Variants in FARS2 observed in about 807,000 individuals in gnomAD.
FARS2 encodes the protein phenylalanyl-tRNA synthetase 2, mitochondrial, also known as phenylalanine--tRNA ligase, mitochondrial.
A neutral mutation model predicts 46.4 loss-of-function variants in FARS2; 40 were observed. The ratio of observed to expected loss-of-function variants is 0.86; its 90% CI spans 0.67 to 1.12. The LOEUF is 1.12. Ranked by LOEUF, FARS2 falls within the 50% of genes most tolerant of loss-of-function variation. The probability of loss-of-function intolerance (pLI) is 0.00; values close to 1 mark genes in which losing one functional copy is unlikely to be tolerated. For synonymous variants in FARS2, 234 were observed against 214.9 expected (o/e 1.09, Z -0.78); for missense variants, 513 against 567.9 (o/e 0.90, Z 0.98).
chr6:5,724,593 C>T (rs948959632), intron 6 of FARS2, among the ~76,000 whole-genome samples: 8 of 152,174 alleles, frequency 5.3e-5, no homozygotes, highest in Non-Finnish European at 7.3e-5. Context: ...CAGGAGACAG[C>T]GCATCCTGCA....
chr6:5,274,718 CT>C (rs112128859), intron 1 of FARS2, among the ~76,000 whole-genome samples: 10 of 149,366 alleles, frequency 6.7e-5, no homozygotes, highest in Admixed American at 6.7e-5. Context: ...CTCACCATGT[CT>C]TTTTTTTTTG....
intron 5 of FARS2, chr6:5,609,682 A>G: frequency 1.5e-6 from 2 of 1,299,036 alleles, no homozygotes. Flanking sequence ...GGCCATTCAC[A>G]GGATGGCATT....
At chr6:5,649,070 C>T (rs1215418133) in intron 6 of FARS2, among the ~76,000 whole-genome samples, 1 of 152,214 alleles carries the variant, frequency 6.6e-6, no homozygotes, top group African/African-American at 2.4e-5. Flanking sequence ...TTTTCAAAGT[C>T]ACCAAAGCTC....
intron 6 of FARS2, among the ~76,000 whole-genome samples, chr6:5,685,781 C>T (rs73718361): frequency 0.013 from 1,966 of 152,274 alleles, 48 homozygotes; most frequent in African/African-American, 0.045. Flanking sequence ...CACTCAAGGG[C>T]TTCCTAGAAG....
intron 4 of FARS2, among the ~76,000 whole-genome samples, chr6:5,464,386 C>T (rs2150307503): frequency 6.6e-6 from 1 of 152,320 alleles, no homozygotes; most frequent in Non-Finnish European, 1.5e-5. Context: ...TCCATCAGAG[C>T]ATTCTGGGTG....
intron 4 of FARS2, among the ~76,000 whole-genome samples, chr6:5,460,214 A>G (rs1048127690): frequency 3.3e-5 from 5 of 152,138 alleles, no homozygotes; most frequent in Admixed American, 2.0e-4. Context: ...ACTCTCTGCA[A>G]ATTGCCTGAA....
chr6:5,586,519 C>T (rs975152986), intron 5 of FARS2, among the ~76,000 whole-genome samples: 1 of 152,126 alleles, frequency 6.6e-6, no homozygotes, highest in Non-Finnish European at 1.5e-5. Flanking sequence ...TTCAACCATC[C>T]TTGTATCCCA....
chr6:5,258,553 GA>G (rs1296739789), upstream of FARS2, among the ~76,000 whole-genome samples: 6 of 152,244 alleles, frequency 3.9e-5, no homozygotes, highest in Non-Finnish European at 8.8e-5. Context: ...AGAGATTAGA[GA>G]GGAGGGAAGG....
chr6:5,512,739 T>C (rs549733818), intron 4 of FARS2, among the ~76,000 whole-genome samples: 1 of 152,122 alleles, frequency 6.6e-6, no homozygotes, highest in South Asian at 2.1e-4. Context: ...AACACTTTCA[T>C]GCATTCATTC....
At chr6:5,678,073 G>A (rs913729322) in intron 6 of FARS2, among the ~76,000 whole-genome samples, 2 of 152,164 alleles carry the variant, frequency 1.3e-5, no homozygotes, top group African/African-American at 4.8e-5. Flanking sequence ...TGAGCAAAAC[G>A]AAGAGCCTGG....
intron 4 of FARS2, among the ~76,000 whole-genome samples, chr6:5,506,814 T>C (rs1272502535): frequency 1.3e-5 from 2 of 152,210 alleles, no homozygotes; most frequent in Admixed American, 6.5e-5. Flanking sequence ...TGAAAGTTCG[T>C]GAACAATAAG....
rs554571264 is a variant in FARS2, at chr6:5,727,603, C to T, written c.1218-43688C>T. On this transcript the variant is annotated intron_variant, in intron 6 of 6. Transcript: ENST00000274680. The surrounding 1 kb of genome is among the most constrained non-coding windows in gnomAD (Gnocchi z 4.1). ...GCAGCTGTTACTGTATCCCTGTCTT[C>T]CTACTGAGGCCATGCTTGGGCCATT... Among the ~76,000 whole-genome samples the T allele has an allele frequency of 5.3e-5, 8 of 152,288 alleles. No individual in the cohort carries two copies. Among genetic ancestry groups the T allele is most frequent in the Non-Finnish European group, 1.0e-4 (7 of 68,022 alleles).
In FARS2 at chr6:5,651,800, G is replaced by C. The variant is rs1007819318; in HGVS notation, c.1217+38480G>C. ...TCCTCCTTTTATCAGTGAGGGAATTGAGGCACTCAGTGCTTAATCATTAGT... is the reference window on the plus strand; with the variant it reads ...TCCTCCTTTTATCAGTGAGGGAATTCAGGCACTCAGTGCTTAATCATTAGT... On this transcript the variant is annotated intron_variant, in intron 6 of 6. Coordinates refer to ENST00000274680, the MANE Select transcript of FARS2 (RefSeq NM_006567.5). Among the ~76,000 whole-genome samples the C allele has an allele frequency of 1.1e-4, 16 of 152,164 alleles. 1 individual carries two copies. The highest frequency in any genetic ancestry group is 3.9e-4 in the African/African-American group (16 of 41,434).
intron 1 of FARS2, among the ~76,000 whole-genome samples, chr6:5,307,264 A>G (rs1367807888): frequency 3.3e-5 from 5 of 152,194 alleles, no homozygotes; most frequent in Admixed American, 1.3e-4. Context: ...TCCATCAGTA[A>G]TTATGACTGA....
At chr6:5,425,346 A>G (rs2127757958) in intron 3 of FARS2, among the ~76,000 whole-genome samples, 1 of 152,342 alleles carries the variant, frequency 6.6e-6, no homozygotes, top group Non-Finnish European at 1.5e-5. Flanking sequence ...AAACAGCAGA[A>G]GAATCTCTTT....
At chr6:5,390,173 G>GT (rs1348272907) in intron 2 of FARS2, among the ~76,000 whole-genome samples, 3 of 152,136 alleles carry the variant, frequency 2.0e-5, no homozygotes, top group Non-Finnish European at 4.4e-5. Flanking sequence ...CTCTACTACA[G>GT]TTTTTTTGTT....
chr6:5,521,751 T>G (rs1398325705), intron 4 of FARS2, among the ~76,000 whole-genome samples: 1 of 152,198 alleles, frequency 6.6e-6, no homozygotes, highest in Non-Finnish European at 1.5e-5. Flanking sequence ...CCTGTTTCAG[T>G]GTGTAGGTCC....
rs749503544 is a variant in FARS2 at position 5,555,330 on chromosome 6, ACAGTGTGTAACACTGGTGCAACTATAC to A, written c.1065+9991_1065+10017del. Among the ~76,000 whole-genome samples, 27 of 152,138 alleles carry A rather than the reference ACAGTGTGTAACACTGGTGCAACTATAC, an allele frequency of 1.8e-4. 1 individual carries two copies. The highest frequency in any genetic ancestry group is 2.0e-4 in the Admixed American group (3 of 15,276). ...ATCAGCAGCATGAAAACGGACTAAT[ACAGTGTGTAACACTGGTGCAACTATAC>A]ATAGGTGAATGTCGAATTTCACTGA... On this transcript the variant is annotated intron_variant, in intron 5 of 6. Coordinates refer to ENST00000274680, the MANE Select transcript of FARS2 (RefSeq NM_006567.5).
chr6:5,294,639 C>T (rs1767729084), intron 1 of FARS2, among the ~76,000 whole-genome samples: 1 of 152,160 alleles, frequency 6.6e-6, no homozygotes, highest in African/African-American at 2.4e-5. Flanking sequence ...GGTTAATTTT[C>T]TGGAGAGGCT....
Sources: gnomAD v4.1 joint callset for allele counts (sites outside exome capture counted in the v4.1 genomes callset) on GRCh38, gnomAD v4.1.1 for gene constraint, Gnocchi (gnomAD v3.1) non-coding constraint, MANE v1.5 for transcripts, NCBI Gene and HGNC (gene_info 2026-07-23, HGNC 2026-07-21) for gene names.